Variants in MON2 observed in about 807,000 individuals in gnomAD.
MON2 encodes the protein protein MON2 homolog.
In MON2, 84 loss-of-function variants were observed where a neutral mutation model predicts 208.6. The ratio of observed to expected loss-of-function variants is 0.40; its 90% CI spans 0.34 to 0.48. The LOEUF (loss-of-function observed/expected upper bound fraction) is 0.48, where lower values mean the gene tolerates loss of function less well. Ranked by LOEUF, MON2 falls within the 20% of genes least tolerant of loss-of-function variation. The pLI, the probability that MON2 is intolerant of heterozygous loss-of-function variation, is 0.59. For missense variants in MON2, 1,611 were observed against 2,015.4 expected (o/e 0.80, Z 3.84); for synonymous variants, 660 against 694.0 (o/e 0.95, Z 0.77).
intron 1 of MON2, among the ~76,000 whole-genome samples, chr12:62,474,522 T>C (rs1268192442): frequency 6.6e-6 from 1 of 152,190 alleles, no homozygotes; most frequent in Non-Finnish European, 1.5e-5. Flanking sequence ...CCTCCCGGGT[T>C]CGAGTGATTC....
chr12:62,585,065 GCACACACACACA>G (rs57834850), intron 32 of MON2, among the ~76,000 whole-genome samples: 3,634 of 98,794 alleles, frequency 0.037, 211 homozygotes, highest in African/African-American at 0.11. Flanking sequence ...CTCTCTACAT[GCACACACACACA>G]CACACACACA....
rs1463818762 is a variant in MON2, at chr12:62,581,165, A to G, written c.4699+745A>G. Among the ~76,000 whole-genome samples the G allele has an allele frequency of 2.0e-5, 3 of 152,306 alleles. No individual in the cohort carries two copies. The East Asian group carries it at 5.8e-4, about 29-fold the overall frequency. On this transcript the variant is annotated intron_variant, in intron 32 of 34. Transcript: ENST00000393630. Reference sequence around the variant, plus strand: ...ACTACATGCTTCTTTTCATTATATCATGCTGCCTTAATTGGGAACTGATAT... The same window carrying G: ...ACTACATGCTTCTTTTCATTATATCGTGCTGCCTTAATTGGGAACTGATAT...
At chr12:62,523,127 A>G (rs944962217) in intron 8 of MON2, among the ~76,000 whole-genome samples, 4 of 152,170 alleles carry the variant, frequency 2.6e-5, no homozygotes, top group Admixed American at 2.0e-4. Flanking sequence ...TGAAGGGCTT[A>G]CTAATATTCA....
intron 31 of MON2, among the ~76,000 whole-genome samples, chr12:62,579,195 A>G (rs1345345514): frequency 6.6e-6 from 1 of 152,010 alleles, no homozygotes; most frequent in African/African-American, 2.4e-5. Flanking sequence ...AGTGAGCTAC[A>G]GCTGTACCAC....
intron 1 of MON2, among the ~76,000 whole-genome samples, chr12:62,479,824 A>G (rs1370991417): frequency 3.9e-5 from 6 of 152,028 alleles, no homozygotes; most frequent in Non-Finnish European, 5.9e-5. Context: ...AAACAACAAC[A>G]ACCATGTTTA....
At chr12:62,508,561 T>G in intron 8 of MON2, 81 bp downstream of exon 8, 2 of 1,332,944 alleles carry the variant, frequency 1.5e-6, no homozygotes, top group Non-Finnish European at 2.1e-6. Context: ...TGTAGCGCAT[T>G]TAGTTTTTTC....
intron 8 of MON2, among the ~76,000 whole-genome samples, chr12:62,519,375 T>A (rs1244602777): frequency 1.3e-5 from 2 of 152,032 alleles, no homozygotes; most frequent in Non-Finnish European, 2.9e-5. Context: ...AAGACAGAGG[T>A]ATCAGGACCC....
intron 24 of MON2, among the ~76,000 whole-genome samples, chr12:62,555,508 A>G (rs1370017998): frequency 6.6e-6 from 1 of 152,024 alleles, no homozygotes; most frequent in East Asian, 1.9e-4. Flanking sequence ...TCCATGATAA[A>G]CTTAAGAATG....
In MON2 at chr12:62,560,778, G is replaced by A. The variant is rs750187785; in HGVS notation, c.3697G>A (p.Glu1233Lys). ...SSSEPPIVTDELEDLNLWWAA... is the reference protein window; with the variant it reads ...SSSEPPIVTDKLEDLNLWWAA... ...CTCTGAGCCACCCATTGTTACTGATGAGCTTGAAGATTTGAATCTATGGTG... is the reference window on the plus strand; with the variant it reads ...CTCTGAGCCACCCATTGTTACTGATAAGCTTGAAGATTTGAATCTATGGTG... Residue 1233 changes from glutamate (E) to lysine (K), a missense_variant, in exon 26 of 35, where the codon GAG (glutamate) becomes AAG (lysine). Transcript: ENST00000393630. The A allele has an allele frequency of 1.1e-5, 17 of 1,614,100 alleles. No individual in the cohort carries two copies. Among genetic ancestry groups the A allele is most frequent in the Non-Finnish European group, 1.4e-5 (17 of 1,179,978 alleles).
At chr12:62,549,153 TG>T (rs1182645965) in intron 22 of MON2, among the ~76,000 whole-genome samples, 2 of 152,144 alleles carry the variant, frequency 1.3e-5, no homozygotes, top group African/African-American at 4.8e-5. Flanking sequence ...TCTTATTGCC[TG>T]TAAGCTTCTT....
chr12:62,489,983 A>G, intron 2 of MON2: 1 of 1,086,426 alleles, frequency 9.2e-7, no homozygotes, highest in Non-Finnish European at 1.2e-6. Context: ...CTTTTATTAC[A>G]CCTGTTAATA....
At chr12:62,493,520 C>T (rs939263754) in intron 2 of MON2, among the ~76,000 whole-genome samples, 5 of 152,152 alleles carry the variant, frequency 3.3e-5, no homozygotes, top group African/African-American at 1.2e-4. Context: ...GATGTATGTA[C>T]TATTTTTAAT....
At chr12:62,532,725 C>A in intron 12 of MON2, 55 bp downstream of exon 12, 1 of 1,377,558 alleles carries the variant, frequency 7.3e-7, no homozygotes, top group Admixed American at 1.8e-5. Flanking sequence ...TTACAATTTG[C>A]AAAAATTGTA....
chr12:62,495,166 A>C lies in MON2; in HGVS notation c.435+19A>C, dbSNP rs528210794. 93 of 1,594,824 alleles carry C rather than the reference A, an allele frequency of 5.8e-5. 1 individual carries two copies. In the South Asian group the frequency reaches 1.0e-3, roughly 18 times the overall value. Reference sequence around the variant, plus strand: ...TTCTAAGGTAGGAAAACTGTTTGCCAGAGTTCATATGTGCTTTGAGACAGT... The same window carrying C: ...TTCTAAGGTAGGAAAACTGTTTGCCCGAGTTCATATGTGCTTTGAGACAGT... On this transcript the variant is annotated intron_variant, in intron 4 of 34. Transcript: ENST00000393630.
At chr12:62,524,489 T>C in intron 8 of MON2, 26 bp from the exon 9 acceptor site, 1 of 1,555,174 alleles carries the variant, frequency 6.4e-7, no homozygotes, top group Non-Finnish European at 8.9e-7. Context: ...TTCAAAGAAA[T>C]AGTATTAAAA....
intron 34 of MON2, among the ~76,000 whole-genome samples, chr12:62,588,372 C>CTTT (rs71086612): frequency 6.8e-6 from 1 of 147,064 alleles, no homozygotes; most frequent in Non-Finnish European, 1.5e-5. Flanking sequence ...GTCTACCTTA[C>CTTT]TTTTTTTTTT....
At chr12:62,479,783 C>T (rs2069302450) in intron 1 of MON2, among the ~76,000 whole-genome samples, 1 of 150,400 alleles carries the variant, frequency 6.6e-6, no homozygotes, top group African/African-American at 2.4e-5. Flanking sequence ...TTCTTTTCTT[C>T]TTTTTTTTTG....
rs754213722 is a variant in MON2 at position 62,495,169 on chromosome 12, G to T, written c.435+22G>T. 1.9e-6 allele frequency: 3 copies of T among 1,583,872 alleles called. No individual in the cohort carries two copies. The African/African-American group carries it at 4.1e-5, about 21-fold the overall frequency. On this transcript the variant is annotated intron_variant, in intron 4 of 34. Coordinates refer to ENST00000393630, the MANE Select transcript of MON2 (RefSeq NM_015026.3). Reference sequence around the variant, plus strand: ...TAAGGTAGGAAAACTGTTTGCCAGAGTTCATATGTGCTTTGAGACAGTATT... The same window carrying T: ...TAAGGTAGGAAAACTGTTTGCCAGATTTCATATGTGCTTTGAGACAGTATT...
chr12:62,552,820 A>G, intron 23 of MON2, 61 bp from the exon 24 acceptor site: 2 of 1,292,984 alleles, frequency 1.5e-6, no homozygotes, highest in East Asian at 4.7e-5. Flanking sequence ...CACATGTTGC[A>G]TATTTATGTG....
Sources: gnomAD v4.1 joint callset for allele counts (sites outside exome capture counted in the v4.1 genomes callset) on GRCh38, gnomAD v4.1.1 for gene constraint, MANE v1.5 for transcripts, NCBI Gene and HGNC (gene_info 2026-07-23, HGNC 2026-07-21) for gene names.